H6PD: variants seen among roughly 807,000 people sequenced by gnomAD.
H6PD encodes hexose-6-phosphate dehydrogenase/glucose 1-dehydrogenase.
H6PD carries 48 observed loss-of-function variants against 61.2 expected under a neutral mutation model. The observed-to-expected ratio is 0.78, with a 90% CI of 0.62 to 1.00. The LOEUF (loss-of-function observed/expected upper bound fraction) is 1.00, where lower values mean the gene tolerates loss of function less well. Among genes scored for constraint, H6PD ranks in the 50% least tolerant of loss-of-function variants. H6PD has a pLI of 0.00. For missense variants in H6PD, 1,093 were observed against 1,065.0 expected (o/e 1.03, Z -0.37); for synonymous variants, 480 against 457.9 (o/e 1.05, Z -0.62).
rs1377490203 is a variant in H6PD at position 9,269,522 on chromosome 1, C to T, written c.*4653C>T. On this transcript the variant is annotated 3_prime_UTR_variant, in exon 5 of 5. Coordinates refer to ENST00000377403, the MANE Select transcript of H6PD (RefSeq NM_004285.4). This position sits in a 1 kb window ranked among gnomAD's most constrained non-coding sequence, Gnocchi z 4.3. ...GCCTCTTTGGAAGTGCAGATTTATT[C>T]CTGTAATAATCCTGCCTGCTTTTAC... The T allele has an allele frequency of 2.0e-5, 3 of 152,220 alleles. No individual in the cohort carries two copies. The highest frequency in any genetic ancestry group is 7.2e-5 in the African/African-American group (3 of 41,434). 9.4% of individuals were successfully genotyped at this position (152,220 alleles called of 1,614,324 possible).
intron 3 of H6PD, among the ~76,000 whole-genome samples, chr1:9,251,570 G>A (rs1641363454): frequency 6.6e-6 from 1 of 152,150 alleles, no homozygotes; most frequent in African/African-American, 2.4e-5. Flanking sequence ...ACCTCTGAGG[G>A]CTGGAGTGAC....
At position 9,264,168 on chromosome 1, in the gene H6PD, T is replaced by C. The variant is rs1638459597; in HGVS notation, c.1675T>C (p.Trp559Arg). ...KYRESPLVSA[W>R]SEELISKLAN... is the part of the protein sequence containing the mutation. ...CCGAGAGAGCCCGCTGGTCTCCGCC[T>C]GGTCCGAGGAGCTGATCTCTAAGCT... Residue 559 changes from tryptophan (W) to arginine (R), a missense_variant, in exon 5 of 5, where the codon TGG becomes CGG. Trp to Arg is a moderately radical substitution (Grantham distance 101). Transcript: ENST00000377403. 1 of 1,612,518 alleles carries C rather than the reference T, an allele frequency of 6.2e-7. No homozygotes were observed. Among genetic ancestry groups the C allele is most frequent in the Non-Finnish European group, 8.5e-7 (1 of 1,179,120 alleles).
Position 9,271,093 on chromosome 1 carries a change from C to G in H6PD, c.*6224C>G, listed in dbSNP as rs1638735435. 1.3e-5 allele frequency: 2 copies of G among 152,118 alleles called. No individual in the cohort carries two copies. Among genetic ancestry groups the G allele is most frequent in the African/African-American group, 4.8e-5 (2 of 41,406 alleles). 9.4% of individuals were successfully genotyped at this position (152,118 alleles called of 1,614,324 possible). ...AGTAGCTGGGATTACACCACCATGCCCAGCAAATTTTTGTGTTTTTAGTAG... is the reference window on the plus strand; with the variant it reads ...AGTAGCTGGGATTACACCACCATGCGCAGCAAATTTTTGTGTTTTTAGTAG... On this transcript the variant is annotated 3_prime_UTR_variant, in exon 5 of 5. Coordinates refer to ENST00000377403, the MANE Select transcript of H6PD (RefSeq NM_004285.4).
Position 9,245,643 on chromosome 1 carries a change from T to C in H6PD, c.627+82T>C. The C allele has an allele frequency of 1.4e-6, 2 of 1,381,900 alleles. No individual in the cohort carries two copies. The highest frequency in any genetic ancestry group is 2.4e-5 in the South Asian group (2 of 84,616). 85.6% of individuals were successfully genotyped at this position (1,381,900 alleles called of 1,614,324 possible). On this transcript the variant is annotated intron_variant, in intron 2 of 4. Transcript: ENST00000377403. This position sits in a 1 kb window ranked among gnomAD's most constrained non-coding sequence, Gnocchi z 4.8. ...CAGCAACAAAGCCGCTCGCTCATTG[T>C]GGAGCTAGGCCCCAAGGCATTGTGA...
rs142932042 is a variant in H6PD, at chr1:9,249,009, A to G, written c.745+1926A>G. On this transcript the variant is annotated intron_variant, in intron 3 of 4. Transcript: ENST00000377403. The stretch of plus-strand genomic sequence containing the variant: ...GAGCTGCACCTGGTGCAGAGAGCCT[A>G]GAGCAGAATTGGAGGGGGTCCTGCC... Among the ~76,000 whole-genome samples, 1,140 of 152,328 alleles carry G rather than the reference A, an allele frequency of 7.5e-3. 12 individuals are homozygous for G. The highest frequency in any genetic ancestry group is 0.026 in the African/African-American group (1,079 of 41,576).
chr1:9,236,668 T>TAAAAAA (rs34967254), intron 1 of H6PD, among the ~76,000 whole-genome samples: 1 of 111,460 alleles, frequency 9.0e-6, no homozygotes, highest in Non-Finnish European at 1.9e-5. Flanking sequence ...GACTTCTCCT[T>TAAAAAA]AAAAAAAAAA....
chr1:9,264,821 C>T lies in H6PD; in HGVS notation c.2328C>T (p.His776=), dbSNP rs1326930618. Residue 776 remains histidine (H), a synonymous_variant, in exon 5 of 5, where the codon CAC becomes CAT. Coordinates refer to ENST00000377403, the MANE Select transcript of H6PD (RefSeq NM_004285.4). The stretch of plus-strand genomic sequence containing the variant: ...GGCCCATCTCGGGTGTCCTGCCGCA[C>T]TCCGGCCAGCTGGTGTGGTACATGG... ...KKWPISGVLP[H]SGQLVWYMDY... is the part of the protein sequence containing the mutation. The T allele has an allele frequency of 6.2e-7, 1 of 1,612,592 alleles. No homozygotes were observed. The highest frequency in any genetic ancestry group is 1.1e-5 in the South Asian group (1 of 91,072).
chr1:9,243,248 C>T (rs1010733532), intron 1 of H6PD, among the ~76,000 whole-genome samples: 2 of 152,080 alleles, frequency 1.3e-5, no homozygotes, highest in Non-Finnish European at 2.9e-5. Flanking sequence ...GATTGGTGCC[C>T]TCTGTATAGG....
Position 9,244,940 on chromosome 1 carries a change from G to C in H6PD, c.6G>C (p.Trp2Cys). The change falls in exon 2 of 5, where the codon TGG becomes TGC. Residue 2 changes from tryptophan to cysteine, a missense_variant. Physicochemically the swap from Trp to Cys is radical, Grantham distance 215. Transcript: ENST00000377403. ...TGCACCCCAGGCACCCAGGCATGTG[G>C]AATATGCTCATAGTGGCGATGTGCT... MWNMLIVAMCLA... is the reference protein window; with the variant it reads MCNMLIVAMCLA... The C allele has an allele frequency of 6.2e-7, 1 of 1,614,008 alleles. No homozygotes were observed. Among genetic ancestry groups the C allele is most frequent in the Non-Finnish European group, 8.5e-7 (1 of 1,179,920 alleles).
chr1:9,266,762 G>A lies in H6PD; in HGVS notation c.*1893G>A, dbSNP rs535902313. Reference sequence around the variant, plus strand: ...ATGCCAGTCTGAGACATGTTCCCAAGCCGGGGCTCTTGTTCACACCACTTA... The same window carrying A: ...ATGCCAGTCTGAGACATGTTCCCAAACCGGGGCTCTTGTTCACACCACTTA... On this transcript the variant is annotated 3_prime_UTR_variant, in exon 5 of 5. Transcript: ENST00000377403. 2 of 152,160 alleles carry A rather than the reference G, an allele frequency of 1.3e-5. No individual in the cohort carries two copies. The highest frequency in any genetic ancestry group is 3.9e-4 in the East Asian group (2 of 5,186). 9.4% of individuals were successfully genotyped at this position (152,160 alleles called of 1,614,324 possible).
At chr1:9,252,825 G>C (rs1174237432) in intron 3 of H6PD, among the ~76,000 whole-genome samples, 1 of 152,124 alleles carries the variant, frequency 6.6e-6, no homozygotes, top group African/African-American at 2.4e-5. Flanking sequence ...TGGCCCCCCT[G>C]CTTTGTCATC....
At position 9,245,375 on chromosome 1, in the gene H6PD, C is replaced by T. The variant is rs1037023089; in HGVS notation, c.441C>T (p.Phe147=). Residue 147 remains phenylalanine (F), a synonymous_variant, in exon 2 of 5, where the codon TTC becomes TTT. Transcript: ENST00000377403. This position sits in a 1 kb window ranked among gnomAD's most constrained non-coding sequence, Gnocchi z 4.8. The part of the protein sequence containing the change: ...GRIFYFSVPP[F]AYEDIARNIN... ...TCTTCTACTTCTCAGTGCCACCCTTCGCCTATGAAGACATTGCCCGCAACA... is the reference window on the plus strand; with the variant it reads ...TCTTCTACTTCTCAGTGCCACCCTTTGCCTATGAAGACATTGCCCGCAACA... 37 of 1,614,030 alleles carry T rather than the reference C, an allele frequency of 2.3e-5. No homozygotes were observed. In the East Asian group the frequency reaches 2.9e-4, roughly 13 times the overall value.
rs1311109266 is a variant in H6PD at position 9,263,892 on chromosome 1, C to T, written c.1399C>T (p.His467Tyr). 6.2e-7 allele frequency: 1 copy of T among 1,614,174 alleles called. No homozygotes were observed. The highest frequency in any genetic ancestry group is 1.7e-5 in the Admixed American group (1 of 60,030). ...AHSVLLSHIF[H>Y]GRKNFFITTE... is the part of the protein sequence containing the mutation. The stretch of plus-strand genomic sequence containing the variant: ...CTCCGTCCTCTTATCCCATATCTTC[C>T]ATGGCCGGAAGAATTTCTTCATCAC... Residue 467 changes from histidine to tyrosine, a missense_variant, in exon 5 of 5, where the codon CAT becomes TAT. Coordinates refer to ENST00000377403, the MANE Select transcript of H6PD (RefSeq NM_004285.4).
rs1260457961 is a variant in H6PD, at chr1:9,254,818, T to G, written c.746-7241T>G. 6.6e-6 allele frequency among the ~76,000 whole-genome samples: 1 copy of G among 152,244 alleles called. No individual in the cohort carries two copies. The highest frequency in any genetic ancestry group is 2.4e-5 in the African/African-American group (1 of 41,468). On this transcript the variant is annotated intron_variant, in intron 3 of 4. Coordinates refer to ENST00000377403, the MANE Select transcript of H6PD (RefSeq NM_004285.4). The surrounding 1 kb of genome is among the most constrained non-coding windows in gnomAD (Gnocchi z 4.6). ...TACCACAATCAATTTTAGGACATGT[T>G]CATCACGGCAAAGGAAGCCCTGTAC...
chr1:9,261,909 C>T, intron 3 of H6PD, 150 bp from the exon 4 acceptor site: 2 of 788,686 alleles, frequency 2.5e-6, no homozygotes, highest in South Asian at 3.0e-5. Context: ...GTGAGGTTGG[C>T]TTTGGTGTGC....
At chr1:9,237,580 A>T (rs1305980813) in intron 1 of H6PD, among the ~76,000 whole-genome samples, 1 of 152,174 alleles carries the variant, frequency 6.6e-6, no homozygotes, top group Non-Finnish European at 1.5e-5. Flanking sequence ...ACTCCCTGCT[A>T]AGATGGGGAT....
At chr1:9,243,060 A>T in intron 1 of H6PD, 3 of 700,318 alleles carry the variant, frequency 4.3e-6, no homozygotes, top group Non-Finnish European at 5.3e-6. Flanking sequence ...CCTCTAGTTA[A>T]AGCTCCAGTG....
chr1:9,239,910 G>A (rs1198029095), intron 1 of H6PD: 3 of 946,124 alleles, frequency 3.2e-6, no homozygotes, highest in East Asian at 6.6e-5. Flanking sequence ...TCTGTATGGG[G>A]ACAGCTGCAC....
At position 9,242,791 on chromosome 1, in the gene H6PD, C is replaced by T. The variant is rs74053616; in HGVS notation, c.-10-2134C>T. 3.4e-4 allele frequency: 337 copies of T among 985,450 alleles called. No homozygotes were observed. In the African/African-American group the frequency reaches 5.3e-3, roughly 16 times the overall value. The allele number at this position is 985,450 out of a possible 1,614,324, so 61.0% of individuals were successfully genotyped here. ...CTCTGAAGCGCAGCCTGCCAGCTGG[C>T]GGCTCCTCCTTCTCCAGGCTGTTCT... On this transcript the variant is annotated intron_variant, in intron 1 of 4. Coordinates refer to ENST00000377403, the MANE Select transcript of H6PD (RefSeq NM_004285.4).
Sources: gnomAD v4.1 joint callset for allele counts (sites outside exome capture counted in the v4.1 genomes callset) on GRCh38, gnomAD v4.1.1 for gene constraint, Gnocchi (gnomAD v3.1) non-coding constraint, MANE v1.5 for transcripts, NCBI Gene and HGNC (gene_info 2026-07-23, HGNC 2026-07-21) for gene names.